The following OTUD7A variants were observed in gnomAD, a reference collection of about 807,000 sequenced individuals.
OTUD7A encodes the protein OTU deubiquitinase 7A, also known as OTU domain-containing protein 7A.
OTUD7A carries 12 observed loss-of-function variants against 65.7 expected under a neutral mutation model. The observed-to-expected ratio is 0.18, with a 90% confidence interval of 0.12 to 0.30. OTUD7A has a LOEUF of 0.30. Ranked by LOEUF, OTUD7A falls within the 10% of genes least tolerant of loss-of-function variation. The pLI is 1.00. For synonymous variants in OTUD7A, 641 were observed against 586.3 expected (o/e 1.09, Z -1.35); for missense variants, 1,148 against 1,304.8 (o/e 0.88, Z 1.85).
chr15:31,627,013 G>GTC (rs1284313488), intron 3 of OTUD7A, among the ~76,000 whole-genome samples: 1 of 151,830 alleles, frequency 6.6e-6, no homozygotes, highest in African/African-American at 2.4e-5. Flanking sequence ...CTAATGGGGG[G>GTC]TCTCTCCTCC....
chr15:31,575,957 C>T lies in OTUD7A; in HGVS notation c.152-5760G>A, dbSNP rs966899326. Among the ~76,000 whole-genome samples, 24 of 152,050 alleles carry T rather than the reference C, an allele frequency of 1.6e-4. 1 individual carries two copies. Among genetic ancestry groups the T allele is most frequent in the Non-Finnish European group, 3.5e-4 (24 of 68,014 alleles). On this transcript the variant is annotated intron_variant, in intron 3 of 12. Transcript: ENST00000307050. ...AGACATAATGGAAGAATATTCCATA[C>T]ACAATTGCAACTAAAATGATAAAGT...
intron 1 of OTUD7A, among the ~76,000 whole-genome samples, chr15:31,759,279 T>C (rs1894895839): frequency 6.6e-6 from 1 of 152,210 alleles, no homozygotes; most frequent in South Asian, 2.1e-4. Flanking sequence ...TGGGCTTGAA[T>C]CCCACTGATA....
chr15:31,543,744 T>C (rs867532263), intron 5 of OTUD7A, among the ~76,000 whole-genome samples: 1 of 151,892 alleles, frequency 6.6e-6, no homozygotes, highest in Non-Finnish European at 1.5e-5. Context: ...ATTATATTTA[T>C]GCAGGATTAA....
chr15:31,686,523 G>C (rs989596342), intron 1 of OTUD7A, among the ~76,000 whole-genome samples: 1 of 152,244 alleles, frequency 6.6e-6, no homozygotes, highest in African/African-American at 2.4e-5. Flanking sequence ...TAACCTTTGG[G>C]TTTGCTCCTG....
intron 1 of OTUD7A, among the ~76,000 whole-genome samples, chr15:31,797,964 C>T (rs1472459430): frequency 6.6e-6 from 1 of 152,144 alleles, no homozygotes; most frequent in East Asian, 1.9e-4. Context: ...TTGATTTCTC[C>T]TGAGGCCTCT....
intron 1 of OTUD7A, among the ~76,000 whole-genome samples, chr15:31,711,628 C>T (rs1376921808): frequency 2.0e-5 from 3 of 148,330 alleles, no homozygotes; most frequent in Non-Finnish European, 3.0e-5. Flanking sequence ...AAAGGCATCA[C>T]CTCCCTAACA....
intron 8 of OTUD7A, among the ~76,000 whole-genome samples, chr15:31,512,689 A>G (rs1351110488): frequency 1.3e-5 from 2 of 152,220 alleles, no homozygotes; most frequent in Non-Finnish European, 2.9e-5. Flanking sequence ...GGAAGGAGGA[A>G]GTAACTTGTG....
intron 3 of OTUD7A, among the ~76,000 whole-genome samples, chr15:31,586,013 G>A (rs113531697): frequency 1.1e-3 from 169 of 152,306 alleles, no homozygotes; most frequent in African/African-American, 3.9e-3. Flanking sequence ...TAGAAGAAAG[G>A]CAGGTAGGGT....
Position 31,482,421 on chromosome 15 carries a change from G to A in OTUD7A, c.*873C>T, listed in dbSNP as rs2041139632. 4 of 152,342 alleles carry A rather than the reference G, an allele frequency of 2.6e-5. No individual in the cohort carries two copies. Among genetic ancestry groups the A allele is most frequent in the Admixed American group, 2.6e-4 (4 of 15,292 alleles). 9.4% of individuals were successfully genotyped at this position (152,342 alleles called of 1,614,324 possible). ...ATGGTCACCGCCCAGGGGCCCGCCAGCGACAGTCCACTGTGGAAGTGCCTT... is the reference window on the plus strand; with the variant it reads ...ATGGTCACCGCCCAGGGGCCCGCCAACGACAGTCCACTGTGGAAGTGCCTT... On this transcript the variant is annotated 3_prime_UTR_variant, in exon 13 of 13. Coordinates refer to ENST00000307050, the MANE Select transcript of OTUD7A (RefSeq NM_001382637.1).
chr15:31,792,286 CAGGA>C (rs1444876909), intron 1 of OTUD7A, among the ~76,000 whole-genome samples: 5 of 152,102 alleles, frequency 3.3e-5, no homozygotes, highest in Non-Finnish European at 7.4e-5. Flanking sequence ...CTCCACACAG[CAGGA>C]AGGGTCATTT....
At position 31,760,246 on chromosome 15, in the gene OTUD7A, A is replaced by G. The variant is rs73378658; in HGVS notation, c.-99-103169T>C. 7.8e-3 allele frequency among the ~76,000 whole-genome samples: 1,181 copies of G among 152,236 alleles called. 17 individuals are homozygous for G. Among genetic ancestry groups the G allele is most frequent in the African/African-American group, 0.027 (1,116 of 41,546 alleles). On this transcript the variant is annotated intron_variant, in intron 1 of 12. Transcript: ENST00000307050. ...TGGATGCTACCCTCCTCACCTGCTA[A>G]AAGTTACTAAGGGACATCATCCTTC...
intron 1 of OTUD7A, among the ~76,000 whole-genome samples, chr15:31,764,818 A>C (rs1895057222): frequency 2.0e-5 from 3 of 152,188 alleles, no homozygotes; most frequent in Admixed American, 2.0e-4. Context: ...TCTAACGTGC[A>C]CCAGTTTGAA....
intron 1 of OTUD7A, among the ~76,000 whole-genome samples, chr15:31,793,347 A>T (rs1446458975): frequency 6.6e-6 from 1 of 152,104 alleles, no homozygotes; most frequent in Non-Finnish European, 1.5e-5. Flanking sequence ...AGAGCATCAC[A>T]CAAGGCTTTT....
intron 1 of OTUD7A, among the ~76,000 whole-genome samples, chr15:31,801,041 AT>A (rs1213087948): frequency 6.8e-6 from 1 of 147,832 alleles, no homozygotes; most frequent in Non-Finnish European, 1.5e-5. Flanking sequence ...GTAGAGCATT[AT>A]CCAGCAGCCT....
intron 3 of OTUD7A, among the ~76,000 whole-genome samples, chr15:31,602,128 AAAACCTGGCAAAGACAC>A (rs1890096095): frequency 6.6e-6 from 1 of 152,220 alleles, no homozygotes; most frequent in Non-Finnish European, 1.5e-5. Context: ...TCCTGATACC[AAAACCTGGCAAAGACAC>A]AACAAAAAAA....
intron 1 of OTUD7A, among the ~76,000 whole-genome samples, chr15:31,838,771 T>G (rs1391639033): frequency 6.6e-6 from 1 of 151,706 alleles, no homozygotes; most frequent in Non-Finnish European, 1.5e-5. Context: ...CTCCTGATTT[T>G]GAGGGCCCCC....
chr15:31,766,866 A>G lies in OTUD7A; in HGVS notation c.-100+103641T>C, dbSNP rs1288973636. Reference sequence around the variant, plus strand: ...TGTTCGGAAAAGATTGATGGAAGACACTGGATGCCTCTTTACTTGAATTCC... The same window carrying G: ...TGTTCGGAAAAGATTGATGGAAGACGCTGGATGCCTCTTTACTTGAATTCC... On this transcript the variant is annotated intron_variant, in intron 1 of 12. Coordinates refer to ENST00000307050, the MANE Select transcript of OTUD7A (RefSeq NM_001382637.1). 1.7e-5 allele frequency: 27 copies of G among 1,610,936 alleles called. No individual in the cohort carries two copies. The Middle Eastern group carries it at 6.6e-4, about 39-fold the overall frequency.
At chr15:31,819,414 A>C (rs1226389553) in intron 1 of OTUD7A, among the ~76,000 whole-genome samples, 1 of 152,206 alleles carries the variant, frequency 6.6e-6, no homozygotes, top group African/African-American at 2.4e-5. Context: ...ATTATCTAAA[A>C]ACCAAAAAGT....
intron 3 of OTUD7A, among the ~76,000 whole-genome samples, chr15:31,643,574 C>T (rs1891579696): frequency 6.6e-6 from 1 of 152,094 alleles, no homozygotes. Flanking sequence ...ACTTTTAGTG[C>T]CCTTGTCTGA....
Sources: gnomAD v4.1 joint callset for allele counts (sites outside exome capture counted in the v4.1 genomes callset) on GRCh38, gnomAD v4.1.1 for gene constraint, MANE v1.5 for transcripts, NCBI Gene and HGNC (gene_info 2026-07-23, HGNC 2026-07-21) for gene names.